Variants in CTNNA3 observed in about 807,000 individuals in gnomAD.
CTNNA3 encodes the protein catenin alpha 3.
CTNNA3 carries 76 observed loss-of-function variants against 95.7 expected under a neutral mutation model. That is an observed-to-expected ratio of 0.79 (90% confidence interval 0.66 to 0.96). The LOEUF (loss-of-function observed/expected upper bound fraction) is 0.96. CTNNA3 is among the 40% of genes least tolerant of loss of function. CTNNA3 has a pLI of 0.00. For missense variants in CTNNA3, 1,191 were observed against 1,089.8 expected (o/e 1.09, Z -1.31); for synonymous variants, 431 against 374.4 (o/e 1.15, Z -1.74).
chr10:66,303,760 A>T (rs2091896519), intron 12 of CTNNA3, among the ~76,000 whole-genome samples: 1 of 151,936 alleles, frequency 6.6e-6, no homozygotes, highest in African/African-American at 2.4e-5. Context: ...CGCCTGGCTA[A>T]TTTTTTGTAT....
chr10:66,419,425 T>C (rs918179277), intron 11 of CTNNA3, among the ~76,000 whole-genome samples: 2 of 152,064 alleles, frequency 1.3e-5, no homozygotes, highest in Non-Finnish European at 2.9e-5. Flanking sequence ...CCCATGTTCA[T>C]GGATCAGAAA....
chr10:66,295,414 C>T (rs2091762422), intron 12 of CTNNA3, among the ~76,000 whole-genome samples: 1 of 152,144 alleles, frequency 6.6e-6, no homozygotes, highest in African/African-American at 2.4e-5. Flanking sequence ...ATCCTATCTA[C>T]ATTCAGAATG....
chr10:67,392,209 G>T (rs1844526288), intron 5 of CTNNA3, among the ~76,000 whole-genome samples: 1 of 151,856 alleles, frequency 6.6e-6, no homozygotes, highest in Non-Finnish European at 1.5e-5. Context: ...AAATTTACAA[G>T]AAAAAAACAA....
chr10:66,577,463 T>C (rs1843042285), intron 10 of CTNNA3, among the ~76,000 whole-genome samples: 1 of 152,096 alleles, frequency 6.6e-6, no homozygotes, highest in South Asian at 2.1e-4. Flanking sequence ...GTTTTAGTTC[T>C]ACTTTTAAGT....
In CTNNA3 at chr10:67,336,222, A is replaced by G. The variant is rs557791810; in HGVS notation, c.580-116352T>C. 4.6e-5 allele frequency among the ~76,000 whole-genome samples: 7 copies of G among 152,250 alleles called. No homozygotes were observed. In the East Asian group the frequency reaches 9.6e-4, roughly 21 times the overall value. ...TTATTCCTTGAGATACAATGTTGAA[A>G]TTAGGCCAATTAATAATCCTAAAAT... On this transcript the variant is annotated intron_variant, in intron 5 of 17. Coordinates refer to ENST00000433211, the MANE Select transcript of CTNNA3 (RefSeq NM_013266.4).
chr10:67,014,433 T>C (rs960588467), intron 7 of CTNNA3, among the ~76,000 whole-genome samples: 2 of 152,188 alleles, frequency 1.3e-5, no homozygotes, highest in Non-Finnish European at 2.9e-5. Context: ...AATATCTTTA[T>C]CTGGGAATCC....
At chr10:66,382,604 G>A (rs1037771018) in intron 11 of CTNNA3, among the ~76,000 whole-genome samples, 6 of 152,184 alleles carry the variant, frequency 3.9e-5, no homozygotes, top group African/African-American at 1.4e-4. Flanking sequence ...TGGTGGTTGA[G>A]CTCTGAGAAT....
At chr10:66,892,920 A>AAGAGTACACTGGT (rs1554873548) in intron 7 of CTNNA3, among the ~76,000 whole-genome samples, 1 of 152,126 alleles carries the variant, frequency 6.6e-6, no homozygotes, top group Non-Finnish European at 1.5e-5. Context: ...CATTTTGAAT[A>AAGAGTACACTGGT]AATCACTTTA....
At chr10:67,048,937 T>A (rs1164403113) in intron 7 of CTNNA3, among the ~76,000 whole-genome samples, 2 of 152,038 alleles carry the variant, frequency 1.3e-5, no homozygotes, top group African/African-American at 4.8e-5. Flanking sequence ...CTTAATTTTA[T>A]ACTTAGTTAT....
At chr10:66,260,510 C>A (rs1487965412) in intron 13 of CTNNA3, among the ~76,000 whole-genome samples, 1 of 152,020 alleles carries the variant, frequency 6.6e-6, no homozygotes, top group East Asian at 1.9e-4. Flanking sequence ...ATCTGTATGC[C>A]CTTTCTCCAA....
intron 5 of CTNNA3, among the ~76,000 whole-genome samples, chr10:67,453,282 T>A (rs1847057016): frequency 6.6e-6 from 1 of 152,180 alleles, no homozygotes; most frequent in African/African-American, 2.4e-5. Context: ...ACAGTTATGA[T>A]GTACTCCTAG....
intron 7 of CTNNA3, among the ~76,000 whole-genome samples, chr10:67,037,311 GC>G (rs1480823099): frequency 6.7e-6 from 1 of 149,232 alleles, no homozygotes; most frequent in Non-Finnish European, 1.5e-5. Flanking sequence ...CATGTACTCA[GC>G]AAAATCATAT....
At chr10:67,186,830 T>G (rs557399955) in intron 6 of CTNNA3, among the ~76,000 whole-genome samples, 67 of 152,280 alleles carry the variant, frequency 4.4e-4, no homozygotes, top group Non-Finnish European at 9.0e-4. Flanking sequence ...ATAATTTGAT[T>G]GCTGACAGAA....
In CTNNA3 at chr10:67,471,083, C is replaced by CG. The variant is rs1000654592; in HGVS notation, c.579+50758dup. 1.3e-4 allele frequency among the ~76,000 whole-genome samples: 20 copies of CG among 152,126 alleles called. No homozygotes were observed. In the South Asian group the frequency reaches 2.7e-3, roughly 21 times the overall value. On this transcript the variant is annotated intron_variant, in intron 5 of 17. Coordinates refer to ENST00000433211, the MANE Select transcript of CTNNA3 (RefSeq NM_013266.4). ...CTTCCTGCCTCAGCCTCCCAAAGCA[C>CG]GGGGGGGTGGGGCAATTACCGGTGT...
intron 7 of CTNNA3, among the ~76,000 whole-genome samples, chr10:67,141,489 T>C (rs1860565374): frequency 6.6e-6 from 1 of 152,140 alleles, no homozygotes; most frequent in Non-Finnish European, 1.5e-5. Context: ...TGTACGGTAA[T>C]ACCCGCATTA....
intron 10 of CTNNA3, among the ~76,000 whole-genome samples, chr10:66,615,967 A>C (rs1476643099): frequency 6.6e-6 from 1 of 152,062 alleles, no homozygotes; most frequent in African/African-American, 2.4e-5. Flanking sequence ...GCCTTACACA[A>C]ATATAAAATG....
chr10:67,205,127 G>C (rs1418472713), intron 6 of CTNNA3, among the ~76,000 whole-genome samples: 1 of 152,104 alleles, frequency 6.6e-6, no homozygotes, highest in Non-Finnish European at 1.5e-5. Flanking sequence ...TGGGGGAAGG[G>C]TTATTAACAT....
intron 11 of CTNNA3, among the ~76,000 whole-genome samples, chr10:66,487,180 G>GTTTTT (rs1357738417): frequency 2.3e-5 from 2 of 87,510 alleles, no homozygotes; most frequent in African/African-American, 9.6e-5. Context: ...TAAAAGGGCA[G>GTTTTT]ATTTTTTTTT....
chr10:67,467,207 A>C (rs185465405), intron 5 of CTNNA3, among the ~76,000 whole-genome samples: 1 of 152,286 alleles, frequency 6.6e-6, no homozygotes, highest in Non-Finnish European at 1.5e-5. Flanking sequence ...ACATTTTAAA[A>C]TTTCAGAGGG....
Sources: gnomAD v4.1 joint callset for allele counts (sites outside exome capture counted in the v4.1 genomes callset) on GRCh38, gnomAD v4.1.1 for gene constraint, MANE v1.5 for transcripts, NCBI Gene and HGNC (gene_info 2026-07-23, HGNC 2026-07-21) for gene names.